The following MTG1 variants were observed in gnomAD, a reference collection of about 807,000 sequenced individuals.
MTG1 encodes the protein mitochondrial ribosome-associated GTPase 1.
A neutral mutation model predicts 39.5 loss-of-function variants in MTG1; 30 were observed. The ratio of observed to expected loss-of-function variants is 0.76; its 90% CI spans 0.57 to 1.03. The LOEUF (loss-of-function observed/expected upper bound fraction) is 1.03, where lower values mean the gene tolerates loss of function less well. MTG1 is among the 50% of genes least tolerant of loss of function. The pLI is 0.00. For missense variants in MTG1, 513 were observed against 447.4 expected (o/e 1.15, Z -1.32); for synonymous variants, 217 against 179.0 (o/e 1.21, Z -1.69).
At position 133,420,021 on chromosome 10, in the gene MTG1, C is replaced by G. The variant is rs1221699291; in HGVS notation, c.866-5C>G. On this transcript the variant is annotated splice_region_variant and splice_polypyrimidine_tract_variant and intron_variant, in intron 10 of 10. Coordinates refer to ENST00000317502, the MANE Select transcript of MTG1 (RefSeq NM_138384.4). Reference sequence around the variant, plus strand: ...CCTTCCTCACTGAACCCTCCCGTCCCCCAGGTAACGTGAACATTATTCAGC... The same window carrying G: ...CCTTCCTCACTGAACCCTCCCGTCCGCCAGGTAACGTGAACATTATTCAGC... 1.9e-6 allele frequency: 3 copies of G among 1,605,506 alleles called. No individual in the cohort carries two copies. In the East Asian group the frequency reaches 6.7e-5, roughly 36 times the overall value.
chr10:133,395,953 T>C (rs1443241904), intron 2 of MTG1, among the ~76,000 whole-genome samples, 176 bp downstream of exon 2: 1 of 152,220 alleles, frequency 6.6e-6, no homozygotes, highest in African/African-American at 2.4e-5. Context: ...TTAATACATA[T>C]ATCTGCGTCA....
chr10:133,402,182 A>C lies in MTG1; in HGVS notation c.607A>C (p.Thr203Pro), dbSNP rs780715228. 6.2e-7 allele frequency: 1 copy of C among 1,613,132 alleles called. No individual in the cohort carries two copies. The highest frequency in any genetic ancestry group is 1.7e-5 in the Admixed American group (1 of 59,948). The change falls in exon 8 of 11, where the codon ACT (threonine) becomes CCT (proline). Residue 203 changes from threonine to proline, a missense_variant. Coordinates refer to ENST00000317502, the MANE Select transcript of MTG1 (RefSeq NM_138384.4). This position sits in a 1 kb window ranked among gnomAD's most constrained non-coding sequence, Gnocchi z 4.7. ...GCGGCCCCTGATGTTCCTGTTGGACACTCCTGGCGTGCTGGCTCCTCGGAT... is the reference window on the plus strand; with the variant it reads ...GCGGCCCCTGATGTTCCTGTTGGACCCTCCTGGCGTGCTGGCTCCTCGGAT... ...SERPLMFLLDTPGVLAPRIES... is the reference protein window; with the variant it reads ...SERPLMFLLDPPGVLAPRIES...
intron 9 of MTG1, among the ~76,000 whole-genome samples, chr10:133,405,597 C>G (rs1427564836): frequency 6.6e-6 from 1 of 152,182 alleles, no homozygotes; most frequent in Non-Finnish European, 1.5e-5. Flanking sequence ...CATTATTTGT[C>G]TTTCTGTGCC....
rs1311674576 is a variant in MTG1 at position 133,420,302 on chromosome 10, A to T, written c.*137A>T. 2.8e-6 allele frequency: 3 copies of T among 1,072,014 alleles called. No individual in the cohort carries two copies. The highest frequency in any genetic ancestry group is 3.2e-5 in the African/African-American group (2 of 61,590). The allele number at this position is 1,072,014 out of a possible 1,614,324, so 66.4% of individuals were successfully genotyped here. A position where few individuals can be genotyped will look rare whatever the true frequency, so the allele number is the denominator to read the frequency against. On this transcript the variant is annotated 3_prime_UTR_variant, in exon 11 of 11. Coordinates refer to ENST00000317502, the MANE Select transcript of MTG1 (RefSeq NM_138384.4). ...GGTGCTGTGCTCTCTGGCGCCCCACAGCCTGGCCAGCTCCAGGGACCCCAG... is the reference window on the plus strand; with the variant it reads ...GGTGCTGTGCTCTCTGGCGCCCCACTGCCTGGCCAGCTCCAGGGACCCCAG...
At chr10:133,417,845 C>G (rs559269428) in intron 9 of MTG1, among the ~76,000 whole-genome samples, 10 of 152,292 alleles carry the variant, frequency 6.6e-5, no homozygotes, top group Admixed American at 1.3e-4. Flanking sequence ...TCAAGGAGAA[C>G]TACAAACCAC....
chr10:133,395,378 G>C (rs11101734), intron 1 of MTG1, among the ~76,000 whole-genome samples: 2,078 of 152,292 alleles, frequency 0.014, 49 homozygotes, highest in African/African-American at 0.047. Flanking sequence ...CTGGGTGACA[G>C]AGCAAGACTC....
rs755761666 is a variant in MTG1 at position 133,398,499 on chromosome 10, A to G, written c.347A>G (p.Asp116Gly). The change falls in exon 4 of 11, where the codon GAT (aspartate) becomes GGT (glycine). Residue 116 changes from aspartate to glycine, a missense_variant. Asp to Gly is a moderately conservative substitution (Grantham distance 94). Transcript: ENST00000317502. Reference protein sequence around the residue: ...KNVIFTNCVKDENVKQIIPMV... With the variant: ...KNVIFTNCVKGENVKQIIPMV... ...GTCATTTTTACCAACTGTGTAAAGG[A>G]TGAAAATGTCAAGCAGGTAGGCTTT... The G allele has an allele frequency of 1.9e-6, 3 of 1,613,758 alleles. No individual in the cohort carries two copies. Among genetic ancestry groups the G allele is most frequent in the Non-Finnish European group, 2.5e-6 (3 of 1,179,946 alleles).
chr10:133,401,666 G>C, intron 7 of MTG1, 76 bp downstream of exon 7: 1 of 1,441,862 alleles, frequency 6.9e-7, no homozygotes. Context: ...ACCTCTGTGT[G>C]GCTTCCGGCT....
chr10:133,420,981 C>G lies in MTG1; in HGVS notation c.*816C>G, dbSNP rs1850223141. 2 of 152,516 alleles carry G rather than the reference C, an allele frequency of 1.3e-5. No individual in the cohort carries two copies. Among genetic ancestry groups the G allele is most frequent in the Non-Finnish European group, 2.9e-5 (2 of 68,250 alleles). 9.4% of individuals were successfully genotyped at this position (152,516 alleles called of 1,614,324 possible). On this transcript the variant is annotated 3_prime_UTR_variant, in exon 11 of 11. Coordinates refer to ENST00000317502, the MANE Select transcript of MTG1 (RefSeq NM_138384.4). ...CCTGAAGGGGTCCACAGCCTGTGTC[C>G]TAGAAGAGGGAAGAGGAAGGAAGGT...
At position 133,402,074 on chromosome 10, in the gene MTG1, C is replaced by T; in HGVS notation, c.574-75C>T. On this transcript the variant is annotated intron_variant, in intron 7 of 10. Transcript: ENST00000317502. The surrounding 1 kb of genome is among the most constrained non-coding windows in gnomAD (Gnocchi z 4.7). ...TCGGAGCATTGGGTGCCAGGGGCTG[C>T]CCAGGCTTCCTGAGTGGCCCACCTG... 1 of 1,585,100 alleles carries T rather than the reference C, an allele frequency of 6.3e-7. No homozygotes were observed. The highest frequency in any genetic ancestry group is 8.6e-7 in the Non-Finnish European group (1 of 1,158,482).
In MTG1 at chr10:133,397,779, G is replaced by GTTTTTTTTTTTTTTTTTT. The variant is rs35859911; in HGVS notation, c.283-640_283-639insTTTTTTTTTTTTTTTTTT. Among the ~76,000 whole-genome samples the GTTTTTTTTTTTTTTTTTT allele has an allele frequency of 9.2e-3, 1,285 of 138,970 alleles. 25 individuals carry two copies. The highest frequency in any genetic ancestry group is 0.018 in the African/African-American group (661 of 36,382). 91.2% of individuals were successfully genotyped at this position (138,970 alleles called of 152,430 possible). A position where few individuals can be genotyped will look rare whatever the true frequency, so the allele number is the denominator to read the frequency against. On this transcript the variant is annotated intron_variant, in intron 3 of 10. Coordinates refer to ENST00000317502, the MANE Select transcript of MTG1 (RefSeq NM_138384.4). ...AGGCGTGAGTCACTGCGTCCAGCCTGTTTTTTTTTTTTTTTTAAATCATCG... is the reference window on the plus strand; with the variant it reads ...AGGCGTGAGTCACTGCGTCCAGCCTGTTTTTTTTTTTTTTTTTTTTTTTTTTTTTTTTTTAAATCATCG...
chr10:133,395,184 A>G (rs953126367), intron 1 of MTG1, among the ~76,000 whole-genome samples: 5 of 152,194 alleles, frequency 3.3e-5, no homozygotes, highest in African/African-American at 1.2e-4. Context: ...TCACGAGGTC[A>G]GGACATCGAG....
chr10:133,418,359 C>T (rs945119465), intron 9 of MTG1, among the ~76,000 whole-genome samples: 1 of 151,922 alleles, frequency 6.6e-6, no homozygotes, highest in Admixed American at 6.6e-5. Flanking sequence ...ATCTACATTC[C>T]TGTAAAAATT....
Position 133,419,664 on chromosome 10 carries a change from G to A in MTG1, c.865+72G>A, listed in dbSNP as rs1850196970. 2.4e-6 allele frequency: 3 copies of A among 1,235,498 alleles called. No homozygotes were observed. In the African/African-American group the frequency reaches 4.5e-5, roughly 18 times the overall value. 76.5% of individuals were successfully genotyped at this position (1,235,498 alleles called of 1,614,324 possible). On this transcript the variant is annotated intron_variant, in intron 10 of 10. Transcript: ENST00000317502. ...CTGGGGGACCCCGGCCATCCCTGGAGGAGGCAGGGAGGAGAGGAACGTGTC... is the reference window on the plus strand; with the variant it reads ...CTGGGGGACCCCGGCCATCCCTGGAAGAGGCAGGGAGGAGAGGAACGTGTC...
chr10:133,401,541 G>C lies in MTG1; in HGVS notation c.524G>C (p.Arg175Thr), dbSNP rs768125849. 1 of 1,586,506 alleles carries C rather than the reference G, an allele frequency of 6.3e-7. No individual in the cohort carries two copies. Among genetic ancestry groups the C allele is most frequent in the Non-Finnish European group, 8.6e-7 (1 of 1,164,694 alleles). ...CCTTTTCCTACAGGGAAAGCCACCA[G>C]GGTGGGTGGCGAGCCTGGGATCACC... ...RQHLRKGKATRVGGEPGITRA... is the reference protein window; with the variant it reads ...RQHLRKGKATTVGGEPGITRA... Residue 175 changes from arginine (R) to threonine (T), a missense_variant, in exon 7 of 11, where the codon AGG (arginine) becomes ACG (threonine). Physicochemically the swap from Arg to Thr is moderately conservative, Grantham distance 71 (BLOSUM62 -1). Transcript: ENST00000317502.
At chr10:133,416,752 C>T (rs1286060467) in intron 9 of MTG1, among the ~76,000 whole-genome samples, 1 of 146,768 alleles carries the variant, frequency 6.8e-6, no homozygotes, top group Admixed American at 7.0e-5. Context: ...TTTATGGCTG[C>T]ATAGTATTCC....
chr10:133,400,868 T>C (rs1849864158), intron 6 of MTG1, among the ~76,000 whole-genome samples: 1 of 152,252 alleles, frequency 6.6e-6, no homozygotes, highest in African/African-American at 2.4e-5. Flanking sequence ...CTGGCTGATG[T>C]CACCGATCGT....
rs749911474 is a variant in MTG1 at position 133,402,183 on chromosome 10, C to G, written c.608C>G (p.Thr203Ser). The change falls in exon 8 of 11, where the codon ACT becomes AGT. Residue 203 changes from threonine to serine, a missense_variant. Thr to Ser is a moderately conservative substitution (Grantham distance 58). Coordinates refer to ENST00000317502, the MANE Select transcript of MTG1 (RefSeq NM_138384.4). The surrounding 1 kb of genome is among the most constrained non-coding windows in gnomAD (Gnocchi z 4.7). ...SERPLMFLLD[T>S]PGVLAPRIES... ...CGGCCCCTGATGTTCCTGTTGGACA[C>G]TCCTGGCGTGCTGGCTCCTCGGATT... The G allele has an allele frequency of 1.2e-6, 2 of 1,614,064 alleles. No individual in the cohort carries two copies. The highest frequency in any genetic ancestry group is 4.5e-5 in the East Asian group (2 of 44,862).
At position 133,416,081 on chromosome 10, in the gene MTG1, G is replaced by A. The variant is rs529161856; in HGVS notation, c.753-3399G>A. 6.6e-5 allele frequency among the ~76,000 whole-genome samples: 10 copies of A among 152,112 alleles called. No individual in the cohort carries two copies. In the South Asian group the frequency reaches 1.0e-3, roughly 16 times the overall value. On this transcript the variant is annotated intron_variant, in intron 9 of 10. Coordinates refer to ENST00000317502, the MANE Select transcript of MTG1 (RefSeq NM_138384.4). ...TCAGGCTGCTTGGCTTTGCCCCACCGCAGCTCAGTAAAGCTTTGTGCCTGT... is the reference window on the plus strand; with the variant it reads ...TCAGGCTGCTTGGCTTTGCCCCACCACAGCTCAGTAAAGCTTTGTGCCTGT...
Sources: allele counts gnomAD v4.1 joint callset (sites outside exome capture counted in the v4.1 genomes callset), GRCh38; gene constraint gnomAD v4.1.1; non-coding constraint Gnocchi (gnomAD v3.1); transcripts MANE v1.5; gene names NCBI Gene and HGNC (gene_info 2026-07-23, HGNC 2026-07-21).